The following MYT1L variants were observed in gnomAD, a reference collection of about 807,000 sequenced individuals.
The protein encoded by MYT1L is myelin transcription factor 1-like protein.
In MYT1L, 12 loss-of-function variants were observed where a neutral mutation model predicts 126.7. The observed-to-expected ratio is 0.09, with a 90% CI of 0.06 to 0.15. MYT1L has a LOEUF of 0.15. Ranked by LOEUF, MYT1L falls within the 10% of genes least tolerant of loss-of-function variation. The pLI is 1.00. For missense variants in MYT1L, 979 were observed against 1,585.2 expected (o/e 0.62, Z 6.49); for synonymous variants, 541 against 604.2 (o/e 0.90, Z 1.53).
chr2:2,106,470 T>G (rs999183317), intron 3 of MYT1L, among the ~76,000 whole-genome samples: 34 of 152,054 alleles, frequency 2.2e-4, no homozygotes, highest in African/African-American at 8.2e-4. Context: ...GTACAAAAGT[T>G]AGCCAGGTGT....
intron 9 of MYT1L, among the ~76,000 whole-genome samples, chr2:1,925,363 T>A (rs1407368065): frequency 6.6e-6 from 1 of 152,214 alleles, no homozygotes; most frequent in Non-Finnish European, 1.5e-5. Flanking sequence ...GGTTCCCACC[T>A]TATGAACTTC....
chr2:1,867,922 A>C (rs1177177802), intron 18 of MYT1L, among the ~76,000 whole-genome samples: 1 of 151,932 alleles, frequency 6.6e-6, no homozygotes, highest in Non-Finnish European at 1.5e-5. Context: ...AGAAATATCT[A>C]TCTTTATTTA....
intron 14 of MYT1L, among the ~76,000 whole-genome samples, chr2:1,892,663 T>C (rs1435841878): frequency 6.6e-6 from 1 of 152,016 alleles, no homozygotes; most frequent in Non-Finnish European, 1.5e-5. Flanking sequence ...GACTGGGAAT[T>C]CCAGCCCAGT....
chr2:1,816,407 G>C (rs1354591515), intron 21 of MYT1L: 1 of 152,646 alleles, frequency 6.6e-6, no homozygotes, highest in Non-Finnish European at 1.5e-5. Flanking sequence ...CGGGTTCCCA[G>C]AAGCTTTGGG....
At chr2:1,993,692 G>A (rs1374405633) in intron 5 of MYT1L, among the ~76,000 whole-genome samples, 1 of 152,162 alleles carries the variant, frequency 6.6e-6, no homozygotes, top group African/African-American at 2.4e-5. Flanking sequence ...CCAGAATAGA[G>A]TTTTCTAAAA....
chr2:1,919,571 T>C (rs1288138956), intron 10 of MYT1L, among the ~76,000 whole-genome samples: 2 of 152,188 alleles, frequency 1.3e-5, no homozygotes, highest in Non-Finnish European at 2.9e-5. Flanking sequence ...TTTGAGAAGA[T>C]TGTGTAGAAA....
chr2:2,073,793 G>A (rs1338230017), intron 3 of MYT1L, among the ~76,000 whole-genome samples: 3 of 152,132 alleles, frequency 2.0e-5, no homozygotes, highest in African/African-American at 4.8e-5. Flanking sequence ...TCCCACTATC[G>A]GACATATTCT....
At chr2:2,155,542 T>A (rs2086588670) in intron 3 of MYT1L, among the ~76,000 whole-genome samples, 1 of 152,224 alleles carries the variant, frequency 6.6e-6, no homozygotes, top group African/African-American at 2.4e-5. Flanking sequence ...AAGTCAAACT[T>A]GTTCAAACCA....
intron 21 of MYT1L, among the ~76,000 whole-genome samples, chr2:1,826,434 G>A (rs917508079): frequency 9.2e-5 from 14 of 152,128 alleles, no homozygotes; most frequent in Admixed American, 2.6e-4. Context: ...GCAGGGTCGC[G>A]CTCCACCCTG....
At chr2:1,877,799 G>GAAA (rs745948307) in intron 18 of MYT1L, among the ~76,000 whole-genome samples, 1 of 149,630 alleles carries the variant, frequency 6.7e-6, no homozygotes, top group African/African-American at 2.5e-5. Flanking sequence ...CTAAATTGTA[G>GAAA]AAAAAAAAAA....
At chr2:1,830,191 A>G (rs1053529094) in intron 21 of MYT1L, among the ~76,000 whole-genome samples, 3 of 152,276 alleles carry the variant, frequency 2.0e-5, no homozygotes, top group Admixed American at 6.5e-5. Flanking sequence ...GAGATGAGAT[A>G]GTGGAAAGGA....
At chr2:2,084,224 C>A in intron 3 of MYT1L, among the ~76,000 whole-genome samples, 1 of 150,438 alleles carries the variant, frequency 6.6e-6, no homozygotes. Flanking sequence ...GATGACTTCC[C>A]ATACTCATTT....
At chr2:2,262,344 A>G (rs564306809) in intron 2 of MYT1L, among the ~76,000 whole-genome samples, 27 of 152,122 alleles carry the variant, frequency 1.8e-4, no homozygotes, top group Non-Finnish European at 3.5e-4. Flanking sequence ...AGCCTGGGTG[A>G]CAGAGAAAGA....
intron 3 of MYT1L, among the ~76,000 whole-genome samples, chr2:2,163,483 T>G (rs1299468576): frequency 6.6e-6 from 1 of 151,666 alleles, no homozygotes; most frequent in Non-Finnish European, 1.5e-5. Context: ...CCCAGCACTT[T>G]GGGAGGCCGA....
At chr2:2,026,617 G>A (rs889787679) in intron 4 of MYT1L, among the ~76,000 whole-genome samples, 2 of 152,202 alleles carry the variant, frequency 1.3e-5, no homozygotes, top group Non-Finnish European at 2.9e-5. Context: ...AAATGCCCGT[G>A]GTGGAGGTTG....
chr2:1,971,799 G>A (rs1016002534), intron 8 of MYT1L, among the ~76,000 whole-genome samples: 15 of 151,994 alleles, frequency 9.9e-5, no homozygotes, highest in Admixed American at 2.6e-4. Context: ...AAATCCTATG[G>A]GTACTCAGGC....
chr2:2,253,893 G>A (rs1572871979), intron 2 of MYT1L, among the ~76,000 whole-genome samples: 1 of 152,172 alleles, frequency 6.6e-6, no homozygotes, highest in East Asian at 1.9e-4. Context: ...GCGAGACTGT[G>A]AATTAACTTT....
At chr2:1,868,785 G>A (rs925766521) in intron 18 of MYT1L, among the ~76,000 whole-genome samples, 9 of 152,170 alleles carry the variant, frequency 5.9e-5, no homozygotes, top group Admixed American at 1.3e-4. Flanking sequence ...TCCTCCCTGC[G>A]GTGCAGGCTG....
intron 2 of MYT1L, among the ~76,000 whole-genome samples, chr2:2,244,476 G>C (rs1018335042): frequency 1.3e-5 from 2 of 152,194 alleles, no homozygotes; most frequent in Admixed American, 1.3e-4. Flanking sequence ...CTGCACAGTG[G>C]ACAGGGCACA....
Sources: gnomAD v4.1 joint callset for allele counts (sites outside exome capture counted in the v4.1 genomes callset) on GRCh38, gnomAD v4.1.1 for gene constraint, MANE v1.5 for transcripts, NCBI Gene and HGNC (gene_info 2026-07-23, HGNC 2026-07-21) for gene names.